Variants in APLF observed in about 807,000 individuals in gnomAD.
APLF encodes aprataxin and PNKP like factor.
In APLF, 61 loss-of-function variants were observed where a neutral mutation model predicts 55.6. The ratio of observed to expected loss-of-function variants is 1.10; its 90% CI spans 0.89 to 1.36. APLF has a LOEUF of 1.36. Ranked by LOEUF, APLF falls within the 40% of genes most tolerant of loss-of-function variation. The pLI, the probability that APLF is intolerant of heterozygous loss-of-function variation, is 0.00. For synonymous variants in APLF, 207 were observed against 214.8 expected, an observed-to-expected ratio of 0.96 and a Z score of 0.32; for missense variants, 611 against 602.5, an observed-to-expected ratio of 1.01 and a Z score of -0.15.
In APLF at chr2:68,579,482, C is replaced by A. The variant is rs531896603; in HGVS notation, c.*1460C>A. 3.8e-6 allele frequency: 3 copies of A among 797,784 alleles called. No individual in the cohort carries two copies. In the African/African-American group the frequency reaches 5.6e-5, roughly 15 times the overall value. 49.4% of individuals were successfully genotyped at this position (797,784 alleles called of 1,614,324 possible). On this transcript the variant is annotated 3_prime_UTR_variant, in exon 10 of 10. Coordinates refer to ENST00000303795, the MANE Select transcript of APLF (RefSeq NM_173545.3). ...AATTGAAAACATTTCCACATAAAAA[C>A]TGTACACAATGTCAATAGAAGCATT...
intron 1 of APLF, among the ~76,000 whole-genome samples, chr2:68,484,561 G>A (rs928562682): frequency 7.2e-5 from 11 of 152,016 alleles, no homozygotes; most frequent in African/African-American, 2.7e-4. Flanking sequence ...ACATGGTGGC[G>A]CATGCCTGTA....
intron 6 of APLF, among the ~76,000 whole-genome samples, chr2:68,536,109 G>A (rs2104000997): frequency 6.6e-6 from 1 of 152,324 alleles, no homozygotes; most frequent in South Asian, 2.1e-4. Context: ...TCACTCGAGA[G>A]TTCCAGTTGC....
At chr2:68,567,980 A>G (rs577954866) in intron 9 of APLF, among the ~76,000 whole-genome samples, 2 of 152,254 alleles carry the variant, frequency 1.3e-5, no homozygotes, top group South Asian at 2.1e-4. Flanking sequence ...CCTTGATCCA[A>G]TCACCATGGC....
chr2:68,518,819 T>G (rs1209400836), intron 5 of APLF, among the ~76,000 whole-genome samples: 1 of 124,972 alleles, frequency 8.0e-6, no homozygotes, highest in Non-Finnish European at 1.6e-5. Context: ...TAATAAAATA[T>G]TAGTAATATA....
At chr2:68,476,778 G>T (rs1675789921) in intron 1 of APLF, among the ~76,000 whole-genome samples, 1 of 152,026 alleles carries the variant, frequency 6.6e-6, no homozygotes, top group South Asian at 2.1e-4. Flanking sequence ...GTCCTAATGG[G>T]TATGAGGTTT....
At chr2:68,507,422 CCTA>C (rs941440322) in intron 3 of APLF, among the ~76,000 whole-genome samples, 6 of 151,948 alleles carry the variant, frequency 3.9e-5, no homozygotes, top group African/African-American at 1.4e-4. Context: ...TATAATTAGT[CCTA>C]CTCATTACCT....
At chr2:68,562,536 G>A (rs995698741) in intron 8 of APLF, among the ~76,000 whole-genome samples, 5 of 151,928 alleles carry the variant, frequency 3.3e-5, no homozygotes, top group South Asian at 2.1e-4. Flanking sequence ...TTAGATGACA[G>A]GACAAGAAAT....
At chr2:68,546,235 A>G (rs944036747) in intron 8 of APLF, among the ~76,000 whole-genome samples, 5 of 152,122 alleles carry the variant, frequency 3.3e-5, no homozygotes, top group African/African-American at 1.2e-4. Context: ...AACAGATACA[A>G]TCAAAAATTG....
At chr2:68,546,424 G>A (rs1286444005) in intron 8 of APLF, among the ~76,000 whole-genome samples, 1 of 151,842 alleles carries the variant, frequency 6.6e-6, no homozygotes, top group Non-Finnish European at 1.5e-5. Flanking sequence ...TGTGAGACCA[G>A]CACAAGTTTG....
At chr2:68,527,587 C>T (rs1274261746) in intron 6 of APLF, among the ~76,000 whole-genome samples, 8 of 145,648 alleles carry the variant, frequency 5.5e-5, no homozygotes, top group Non-Finnish European at 1.2e-4. Context: ...GTAAGGGGGC[C>T]GGGCAGAGGC....
intron 8 of APLF, among the ~76,000 whole-genome samples, chr2:68,558,447 G>A (rs28361349): frequency 0.24 from 36,348 of 152,018 alleles, 7,025 homozygotes; most frequent in African/African-American, 0.54. Flanking sequence ...TTTTGATAAT[G>A]TGGGATTTAT....
intron 6 of APLF, among the ~76,000 whole-genome samples, chr2:68,535,951 G>C (rs1411263804): frequency 6.6e-6 from 1 of 152,162 alleles, no homozygotes; most frequent in African/African-American, 2.4e-5. Flanking sequence ...ATACCAGCAG[G>C]AACAAGAGAT....
chr2:68,509,809 G>A (rs1360636209), intron 3 of APLF, among the ~76,000 whole-genome samples: 4 of 151,860 alleles, frequency 2.6e-5, no homozygotes, highest in Non-Finnish European at 4.4e-5. Context: ...CAAAGACTTG[G>A]AACCAACCCA....
intron 8 of APLF, among the ~76,000 whole-genome samples, chr2:68,551,442 T>G (rs934431774): frequency 6.6e-6 from 1 of 152,052 alleles, no homozygotes; most frequent in Non-Finnish European, 1.5e-5. Context: ...GTCTACTCTA[T>G]TTTATCTTTT....
At position 68,558,211 on chromosome 2, in the gene APLF, G is replaced by A. The variant is rs112360553; in HGVS notation, c.1287-9130G>A. Among the ~76,000 whole-genome samples the A allele has an allele frequency of 4.2e-3, 644 of 151,968 alleles. 4 individuals carry two copies. The highest frequency in any genetic ancestry group is 0.015 in the African/African-American group (617 of 41,450). ...CGTGGTTTTGTTTTTCATTTAATGT[G>A]CATTAATTTTCATAATAATAAATTT... On this transcript the variant is annotated intron_variant, in intron 8 of 9. Transcript: ENST00000303795.
chr2:68,541,049 G>T (rs1670533768), intron 7 of APLF, among the ~76,000 whole-genome samples: 1 of 152,070 alleles, frequency 6.6e-6, no homozygotes. Flanking sequence ...AAGATCTGTG[G>T]GTTAAGCATG....
chr2:68,523,906 G>GA (rs201213796), intron 5 of APLF, among the ~76,000 whole-genome samples: 3,658 of 149,480 alleles, frequency 0.024, 69 homozygotes, highest in Middle Eastern at 0.048. Flanking sequence ...TTCTCATGCA[G>GA]AAAAAAAAAA....
Position 68,542,253 on chromosome 2 carries a change from C to T in APLF, c.1161-2934C>T, listed in dbSNP as rs113556130. The stretch of plus-strand genomic sequence containing the variant: ...ATGACATTGGATTTGACAAAGATTT[C>T]TTGGATATGACACCAAAGCACAGAC... On this transcript the variant is annotated intron_variant, in intron 7 of 9. Coordinates refer to ENST00000303795, the MANE Select transcript of APLF (RefSeq NM_173545.3). 6.4e-3 allele frequency among the ~76,000 whole-genome samples: 981 copies of T among 152,240 alleles called. 7 individuals are homozygous for T. The highest frequency in any genetic ancestry group is 0.023 in the African/African-American group (938 of 41,546).
chr2:68,502,522 C>T (rs1676752686), intron 2 of APLF, among the ~76,000 whole-genome samples: 1 of 151,546 alleles, frequency 6.6e-6, no homozygotes, highest in South Asian at 2.1e-4. Context: ...TATACCATAG[C>T]TTCTTTTCTC....
Sources: gnomAD v4.1 joint callset for allele counts (sites outside exome capture counted in the v4.1 genomes callset) on GRCh38, gnomAD v4.1.1 for gene constraint, MANE v1.5 for transcripts, NCBI Gene and HGNC (gene_info 2026-07-23, HGNC 2026-07-21) for gene names.